The following YEATS4 variants were observed in gnomAD, a reference collection of about 807,000 sequenced individuals.
YEATS4 encodes the protein YEATS domain containing 4.
YEATS4 carries 17 observed loss-of-function variants against 30.1 expected under a neutral mutation model. The ratio of observed to expected loss-of-function variants is 0.56; its 90% CI spans 0.39 to 0.85. YEATS4 has a LOEUF of 0.85. Among genes scored for constraint, YEATS4 ranks in the 40% least tolerant of loss-of-function variants. The pLI is 0.00. For missense variants in YEATS4, 142 were observed against 268.3 expected (o/e 0.53, Z 3.29); for synonymous variants, 85 against 87.5 (o/e 0.97, Z 0.16).
At chr12:69,410,138 A>G in the YEATS4 span, among the ~76,000 whole-genome samples, 1 of 152,242 alleles carries the variant, frequency 6.6e-6, no homozygotes, top group African/African-American at 2.4e-5. Flanking sequence ...TCACGTTAGC[A>G]TATAATTCAA....
chr12:69,404,526 C>G, the YEATS4 span, among the ~76,000 whole-genome samples: 1 of 152,170 alleles, frequency 6.6e-6, no homozygotes, highest in East Asian at 1.9e-4. Context: ...GGCTCTTGCA[C>G]TCACTTGCCT....
At chr12:69,407,794 A>G in the YEATS4 span, among the ~76,000 whole-genome samples, 1 of 127,262 alleles carries the variant, frequency 7.9e-6, no homozygotes, top group African/African-American at 3.0e-5. Context: ...TCAGCTCACC[A>G]CAACCTCTGC....
chr12:69,407,243 A>G, the YEATS4 span, among the ~76,000 whole-genome samples: 2 of 152,042 alleles, frequency 1.3e-5, no homozygotes, highest in Non-Finnish European at 2.9e-5. Context: ...TTAAGAGCAA[A>G]GGTTTTATCA....
intron 6 of YEATS4, among the ~76,000 whole-genome samples, chr12:69,381,261 T>A (rs1876064605): frequency 6.6e-6 from 1 of 152,176 alleles, no homozygotes; most frequent in Non-Finnish European, 1.5e-5. Flanking sequence ...TCAGGGATGT[T>A]CCTTGCTGAG....
intron 6 of YEATS4, 77 bp from the exon 7 acceptor site, chr12:69,390,070 A>G: frequency 1.7e-6 from 2 of 1,164,202 alleles, no homozygotes; most frequent in East Asian, 2.7e-5. Context: ...TCGTCAGGAA[A>G]TGCCATATTT....
intron 6 of YEATS4, among the ~76,000 whole-genome samples, chr12:69,380,069 T>C (rs1382102471): frequency 1.3e-5 from 2 of 152,268 alleles, no homozygotes; most frequent in Non-Finnish European, 2.9e-5. Context: ...AAAGGTCACA[T>C]ATCTCTGTTA....
intron 6 of YEATS4, among the ~76,000 whole-genome samples, chr12:69,384,900 A>C (rs1425700868): frequency 1.3e-5 from 2 of 152,260 alleles, no homozygotes; most frequent in African/African-American, 4.8e-5. Context: ...GACAGATAGA[A>C]TAAGAGATCA....
At chr12:69,397,635 T>C in the YEATS4 span, among the ~76,000 whole-genome samples, 1 of 152,150 alleles carries the variant, frequency 6.6e-6, no homozygotes, top group South Asian at 2.1e-4. Flanking sequence ...GAACTGTGAG[T>C]CCATTAAACC....
At chr12:69,410,787 C>T in the YEATS4 span, among the ~76,000 whole-genome samples, 5 of 152,120 alleles carry the variant, frequency 3.3e-5, no homozygotes, top group African/African-American at 4.8e-5. Context: ...CATAACTAAT[C>T]GGGACATTCC....
intron 6 of YEATS4, among the ~76,000 whole-genome samples, chr12:69,386,167 C>T (rs1868249834): frequency 1.3e-5 from 2 of 152,146 alleles, no homozygotes; most frequent in South Asian, 4.1e-4. Context: ...AAAATGTTTT[C>T]CCCCAGGATC....
chr12:69,362,003 G>T (rs1778111139), intron 1 of YEATS4, among the ~76,000 whole-genome samples: 1 of 106,718 alleles, frequency 9.4e-6, no homozygotes. Context: ...AAATTGTAGG[G>T]TGTTTGGTTG....
At chr12:69,417,859 A>AGG in the YEATS4 span, among the ~76,000 whole-genome samples, 59 of 144,506 alleles carry the variant, frequency 4.1e-4, no homozygotes, top group Non-Finnish European at 6.8e-4. Context: ...CAATAGGGAA[A>AGG]AAAAAAAAAA....
At chr12:69,368,979 G>T (rs1467429028) in intron 4 of YEATS4, among the ~76,000 whole-genome samples, 1 of 152,170 alleles carries the variant, frequency 6.6e-6, no homozygotes, top group African/African-American at 2.4e-5. Context: ...TATAGTCCCA[G>T]TTACTTGGGA....
chr12:69,407,423 A>T, the YEATS4 span, among the ~76,000 whole-genome samples: 1 of 152,152 alleles, frequency 6.6e-6, no homozygotes, highest in Non-Finnish European at 1.5e-5. Context: ...CCTGTATTTT[A>T]TGAAAAATAT....
chr12:69,364,846 C>G (rs1875367771), intron 2 of YEATS4, among the ~76,000 whole-genome samples: 1 of 152,038 alleles, frequency 6.6e-6, no homozygotes, highest in African/African-American at 2.4e-5. Flanking sequence ...TCTCAAACTC[C>G]TGACCTCAGG....
the YEATS4 span, among the ~76,000 whole-genome samples, chr12:69,413,516 C>CCG: frequency 7.2e-6 from 1 of 138,456 alleles, no homozygotes; most frequent in Non-Finnish European, 1.6e-5. Flanking sequence ...CAACGCCCCC[C>CCG]CCATCTCCAT....
chr12:69,421,521 A>T, the YEATS4 span, among the ~76,000 whole-genome samples: 32 of 152,200 alleles, frequency 2.1e-4, no homozygotes, highest in Non-Finnish European at 1.3e-4. Context: ...CATAAGGTCT[A>T]AGGAAGCCAA....
chr12:69,384,329 AAGT>A (rs1876190402), intron 6 of YEATS4, among the ~76,000 whole-genome samples: 4 of 152,338 alleles, frequency 2.6e-5, no homozygotes, highest in African/African-American at 9.6e-5. Flanking sequence ...TATGTATAAC[AAGT>A]AGTTATAAAT....
At chr12:69,414,194 A>G in the YEATS4 span, among the ~76,000 whole-genome samples, 2 of 152,218 alleles carry the variant, frequency 1.3e-5, no homozygotes, top group Non-Finnish European at 1.5e-5. Context: ...CAACGATTGC[A>G]TGTTCTGAAA....
Sources: allele counts gnomAD v4.1 joint callset (sites outside exome capture counted in the v4.1 genomes callset), GRCh38; gene constraint gnomAD v4.1.1; transcripts MANE v1.5; gene names NCBI Gene and HGNC (gene_info 2026-07-23, HGNC 2026-07-21).